The following FRMD4A variants were observed in gnomAD, a reference collection of about 807,000 sequenced individuals.
FRMD4A encodes the protein FERM domain containing 4A.
In FRMD4A, 29 loss-of-function variants were observed where a neutral mutation model predicts 129.1. That is an observed-to-expected ratio of 0.22 (90% confidence interval 0.17 to 0.31). The LOEUF (loss-of-function observed/expected upper bound fraction) is 0.31, where lower values mean the gene tolerates loss of function less well. Among genes scored for constraint, FRMD4A ranks in the 10% least tolerant of loss-of-function variants. The probability of loss-of-function intolerance (pLI) is 1.00; values close to 1 mark genes in which losing one functional copy is unlikely to be tolerated. For synonymous variants in FRMD4A, 634 were observed against 571.6 expected, an observed-to-expected ratio of 1.11 and a Z score of -1.56; for missense variants, 1,272 against 1,375.8, an observed-to-expected ratio of 0.92 and a Z score of 1.19.
Position 13,644,645 on chromosome 10 carries a change from C to T in FRMD4A, c.*2393G>A, listed in dbSNP as rs2081007422. On this transcript the variant is annotated 3_prime_UTR_variant, in exon 25 of 25. Transcript: ENST00000357447. ...CCAGACTAGATTTCAAGCTACTATG[C>T]ATGATGTAGAACATGTAACCATGTA... 1 of 152,356 alleles carries T rather than the reference C, an allele frequency of 6.6e-6. No individual in the cohort carries two copies. The highest frequency in any genetic ancestry group is 2.1e-4 in the South Asian group (1 of 4,820). The allele number at this position is 152,356 out of a possible 1,614,324, so 9.4% of individuals were successfully genotyped here. A position where few individuals can be genotyped will look rare whatever the true frequency, so the allele number is the denominator to read the frequency against.
intron 2 of FRMD4A, among the ~76,000 whole-genome samples, chr10:14,177,501 A>G (rs561222665): frequency 6.6e-6 from 1 of 151,942 alleles, no homozygotes; most frequent in African/African-American, 2.4e-5. Context: ...CAAGAGTTTT[A>G]TCCTTGATAT....
rs1450782088 is a variant in FRMD4A at position 14,108,219 on chromosome 10, G to C, written c.45+221839C>G. Among the ~76,000 whole-genome samples the C allele has an allele frequency of 2.0e-5, 3 of 152,182 alleles. No homozygotes were observed. In the South Asian group the frequency reaches 6.2e-4, roughly 32 times the overall value. On this transcript the variant is annotated intron_variant, in intron 2 of 24. Coordinates refer to ENST00000357447, the MANE Select transcript of FRMD4A (RefSeq NM_018027.5). Reference sequence around the variant, plus strand: ...TTAGCGAGACCAGCATCTTTCTTAAGTTTCAGCTCTATTTTCAGATAAGTG... The same window carrying C: ...TTAGCGAGACCAGCATCTTTCTTAACTTTCAGCTCTATTTTCAGATAAGTG...
chr10:13,777,128 G>A (rs2092614124), intron 6 of FRMD4A, among the ~76,000 whole-genome samples: 1 of 152,164 alleles, frequency 6.6e-6, no homozygotes, highest in Admixed American at 6.5e-5. Flanking sequence ...AAGAACCTGG[G>A]TCTGCCCGGC....
chr10:13,701,448 G>A lies in FRMD4A; in HGVS notation c.867C>T (p.His289=), dbSNP rs917889329. 1 of 1,613,936 alleles carries A rather than the reference G, an allele frequency of 6.2e-7. No homozygotes were observed. Among genetic ancestry groups the A allele is most frequent in the Admixed American group, 1.7e-5 (1 of 59,994 alleles). ...RASVTRRTFG[H]SGIAVHTWYA... is the part of the protein sequence containing the mutation. ...ACCACGTGTGCACTGCAATGCCGCT[G>A]TGCCCAAACGTCCTCCTTGTCACTG... is the stretch of plus-strand genomic sequence containing the variant. The change falls in exon 14 of 25, where the codon CAC becomes CAT. Residue 289 remains histidine (H), a synonymous_variant. Transcript: ENST00000357447.
chr10:13,887,769 T>G (rs1001523489), intron 2 of FRMD4A, among the ~76,000 whole-genome samples: 1 of 152,246 alleles, frequency 6.6e-6, no homozygotes, highest in African/African-American at 2.4e-5. Context: ...GCACCAGCTC[T>G]GACCATCTTC....
chr10:13,654,584 G>C, intron 22 of FRMD4A, 72 bp from the exon 23 acceptor site: 1 of 946,328 alleles, frequency 1.1e-6, no homozygotes, highest in South Asian at 1.5e-5. Context: ...CTTGCGACTT[G>C]TTGGCTGACA....
At chr10:13,878,804 GAAA>G (rs1324914102) in intron 2 of FRMD4A, among the ~76,000 whole-genome samples, 26 of 129,918 alleles carry the variant, frequency 2.0e-4, no homozygotes, top group South Asian at 1.2e-3. Flanking sequence ...GAGAAGGAGA[GAAA>G]GAGAGAGGGA....
intron 2 of FRMD4A, among the ~76,000 whole-genome samples, chr10:14,012,143 T>C (rs1028608428): frequency 3.3e-5 from 5 of 150,288 alleles, no homozygotes; most frequent in African/African-American, 1.2e-4. Context: ...TAATGGCTGC[T>C]GGATGTGGGG....
At chr10:13,919,352 T>C (rs926833818) in intron 2 of FRMD4A, among the ~76,000 whole-genome samples, 3 of 152,172 alleles carry the variant, frequency 2.0e-5, no homozygotes, top group Non-Finnish European at 4.4e-5. Flanking sequence ...TATTTTCCAA[T>C]TACGTGCCCC....
chr10:13,822,109 CTATT>C (rs754574840), intron 3 of FRMD4A, among the ~76,000 whole-genome samples: 2 of 152,092 alleles, frequency 1.3e-5, no homozygotes, highest in Non-Finnish European at 2.9e-5. Flanking sequence ...ATGTATGTAT[CTATT>C]TGTGATGTAC....
intron 2 of FRMD4A, among the ~76,000 whole-genome samples, chr10:14,170,324 C>G (rs1841411605): frequency 6.6e-6 from 1 of 152,188 alleles, no homozygotes; most frequent in African/African-American, 2.4e-5. Context: ...GGACATGATT[C>G]CTGGGCTAAT....
chr10:13,878,519 G>A (rs1281981200), intron 2 of FRMD4A, among the ~76,000 whole-genome samples: 4 of 152,146 alleles, frequency 2.6e-5, no homozygotes, highest in African/African-American at 9.7e-5. Flanking sequence ...TTGGGAGGCC[G>A]AGGCGGGCAG....
chr10:14,078,966 T>A (rs895161231), intron 2 of FRMD4A, among the ~76,000 whole-genome samples: 1 of 152,144 alleles, frequency 6.6e-6, no homozygotes, highest in Non-Finnish European at 1.5e-5. Context: ...TAACCCTAGG[T>A]CTTGAAGGGT....
chr10:14,292,729 G>A (rs1305955364), intron 2 of FRMD4A, among the ~76,000 whole-genome samples: 2 of 152,148 alleles, frequency 1.3e-5, no homozygotes, highest in Non-Finnish European at 2.9e-5. Flanking sequence ...GAACTCGGGA[G>A]GTGGAGCTTG....
intron 2 of FRMD4A, among the ~76,000 whole-genome samples, chr10:14,304,635 T>G (rs905262758): frequency 6.6e-6 from 1 of 152,168 alleles, no homozygotes; most frequent in African/African-American, 2.4e-5. Context: ...ACTTCTCTGT[T>G]CATTGACTCT....
At chr10:14,257,663 G>A (rs1051343825) in intron 2 of FRMD4A, among the ~76,000 whole-genome samples, 1 of 152,234 alleles carries the variant, frequency 6.6e-6, no homozygotes, top group Admixed American at 6.5e-5. Flanking sequence ...AGAAAACAGA[G>A]ACACGGAAAC....
At chr10:14,057,599 T>G (rs10906588) in intron 2 of FRMD4A, among the ~76,000 whole-genome samples, 49,690 of 151,306 alleles carry the variant, frequency 0.33, 8,292 homozygotes, top group East Asian at 0.47. Flanking sequence ...AGATGGAGAT[T>G]CACACTTGTT....
intron 2 of FRMD4A, among the ~76,000 whole-genome samples, chr10:13,922,775 C>G (rs190084697): frequency 1.3e-3 from 198 of 152,078 alleles, no homozygotes; most frequent in African/African-American, 4.6e-3. Flanking sequence ...TTTTTTTTCT[C>G]TCTCTAGGAC....
intron 13 of FRMD4A, among the ~76,000 whole-genome samples, chr10:13,705,838 A>T (rs950685167): frequency 1.1e-4 from 16 of 152,206 alleles, no homozygotes; most frequent in African/African-American, 3.9e-4. Flanking sequence ...GCTGCTCTCC[A>T]CTAACTATTC....
Sources: gnomAD v4.1 joint callset for allele counts (sites outside exome capture counted in the v4.1 genomes callset) on GRCh38, gnomAD v4.1.1 for gene constraint, MANE v1.5 for transcripts, NCBI Gene and HGNC (gene_info 2026-07-23, HGNC 2026-07-21) for gene names.